PIEZO2: variants seen among roughly 807,000 people sequenced by gnomAD.
PIEZO2 encodes the protein piezo-type mechanosensitive ion channel component 2.
PIEZO2 carries 172 observed loss-of-function variants against 337.3 expected under a neutral mutation model. The observed-to-expected ratio is 0.51, with a 90% confidence interval of 0.45 to 0.58. The LOEUF (loss-of-function observed/expected upper bound fraction) is 0.58. Ranked by LOEUF, PIEZO2 falls within the 20% of genes least tolerant of loss-of-function variation. PIEZO2 has a pLI of 0.00. For synonymous variants in PIEZO2, 1,251 were observed against 1,228.5 expected, an observed-to-expected ratio of 1.02 and a Z score of -0.38; for missense variants, 3,028 against 3,391.3, an observed-to-expected ratio of 0.89 and a Z score of 2.66.
At chr18:10,806,261 AG>A (rs148293168) in intron 8 of PIEZO2, among the ~76,000 whole-genome samples, 1 of 152,248 alleles carries the variant, frequency 6.6e-6, no homozygotes, top group African/African-American at 2.4e-5. Flanking sequence ...GGTTCCCCGC[AG>A]GTGGGGCCTG....
intron 1 of PIEZO2, among the ~76,000 whole-genome samples, chr18:11,142,204 T>C (rs1008158293): frequency 1.3e-5 from 2 of 152,334 alleles, no homozygotes; most frequent in Middle Eastern, 6.8e-3. Flanking sequence ...CTGTTACATA[T>C]ATTTTCTTTT....
intron 2 of PIEZO2, among the ~76,000 whole-genome samples, chr18:11,043,470 C>T (rs566062774): frequency 2.2e-4 from 34 of 152,262 alleles, no homozygotes; most frequent in African/African-American, 7.2e-4. Flanking sequence ...AACTACAACA[C>T]AAACACATGT....
At position 10,787,057 on chromosome 18, in the gene PIEZO2, A is replaced by G; in HGVS notation, c.2297T>C (p.Met766Thr). ...TTACTTTTCTTTTTTCAGTCCAGTC[A>G]TATTTTGCCACAGGCCTGGGAAGTT... ...FENFPGLWQN[M>T]TGLKKEKLED... Residue 766 changes from methionine (M) to threonine (T), a missense_variant, in exon 16 of 56, where the codon ATG becomes ACG. Met to Thr is a moderately conservative substitution (Grantham distance 81, BLOSUM62 -1). This residue lies in a region of PIEZO2 where 1,925 missense variants were observed against 2,051.9 expected (regional missense o/e 0.94). Transcript: ENST00000674853. 3 of 1,532,800 alleles carry G rather than the reference A, an allele frequency of 2.0e-6. No individual in the cohort carries two copies. Among genetic ancestry groups the G allele is most frequent in the African/African-American group, 1.4e-5 (1 of 72,898 alleles). The allele number at this position is 1,532,800 out of a possible 1,614,324, so 94.9% of individuals were successfully genotyped here. A position where few individuals can be genotyped will look rare whatever the true frequency, so the allele number is the denominator to read the frequency against.
intron 11 of PIEZO2, among the ~76,000 whole-genome samples, chr18:10,798,084 A>AT (rs2039674833): frequency 6.6e-6 from 1 of 152,216 alleles, no homozygotes; most frequent in Non-Finnish European, 1.5e-5. Context: ...AGGCCAGCCA[A>AT]TAGCTACACA....
intron 7 of PIEZO2, among the ~76,000 whole-genome samples, chr18:10,808,121 C>T (rs1303364467): frequency 1.3e-5 from 2 of 152,174 alleles, no homozygotes; most frequent in Non-Finnish European, 2.9e-5. Flanking sequence ...TGGGGTCTCG[C>T]TCTGTCACCC....
At chr18:11,079,680 C>T (rs2038670338) in intron 1 of PIEZO2, among the ~76,000 whole-genome samples, 1 of 152,168 alleles carries the variant, frequency 6.6e-6, no homozygotes, top group South Asian at 2.1e-4. Flanking sequence ...TCTTTGCCAA[C>T]CTGGAATGCC....
intron 4 of PIEZO2, among the ~76,000 whole-genome samples, chr18:10,891,472 T>C (rs1040262145): frequency 6.6e-6 from 1 of 152,148 alleles, no homozygotes; most frequent in Non-Finnish European, 1.5e-5. Context: ...TACTTCAAAA[T>C]TCATCCTTTT....
In PIEZO2 at chr18:10,671,293, C is replaced by T. The variant is rs1567931026; in HGVS notation, c.*234G>A. On this transcript the variant is annotated 3_prime_UTR_variant, in exon 56 of 56. Transcript: ENST00000674853. ...GAATGCGAGACACTGTTGACTAAAA[C>T]ATAAAGCAAGTAGCCCTGATTTCAG... 1 of 407,306 alleles carries T rather than the reference C, an allele frequency of 2.5e-6. No individual in the cohort carries two copies. The highest frequency in any genetic ancestry group is 4.3e-5 in the Admixed American group (1 of 23,416). The allele number at this position is 407,306 out of a possible 1,614,324, so 25.2% of individuals were successfully genotyped here.
At chr18:10,805,820 G>A (rs1167984100) in intron 8 of PIEZO2, among the ~76,000 whole-genome samples, 1 of 152,248 alleles carries the variant, frequency 6.6e-6, no homozygotes, top group Non-Finnish European at 1.5e-5. Context: ...GTTAGCCACT[G>A]AGATGGGGGG....
chr18:10,959,135 C>T (rs958329317), intron 3 of PIEZO2, among the ~76,000 whole-genome samples: 1 of 152,118 alleles, frequency 6.6e-6, no homozygotes, highest in Non-Finnish European at 1.5e-5. Flanking sequence ...TAGTAAAATG[C>T]ATGCCACTAG....
At position 10,794,793 on chromosome 18, in the gene PIEZO2, C is replaced by T; in HGVS notation, c.1737G>A (p.Glu579=). Residue 579 remains glutamate (E), a synonymous_variant, in exon 13 of 56, where the codon GAG becomes GAA. Transcript: ENST00000674853. This position sits in a 1 kb window ranked among gnomAD's most constrained non-coding sequence, Gnocchi z 6.6. ...KKVPGFLEKK[E]PGELASKILF... ...TTACTTTGGAAGCAAGTTCTCCTGG[C>T]TCTTTCTTTTCTAAAAATCCTGGAA... 6.5e-7 allele frequency: 1 copy of T among 1,534,138 alleles called. No homozygotes were observed. The highest frequency in any genetic ancestry group is 8.7e-7 in the Non-Finnish European group (1 of 1,145,408).
rs759940686 is a variant in PIEZO2 at position 11,097,389 on chromosome 18, T to A, written c.65-31167A>T. On this transcript the variant is annotated intron_variant, in intron 1 of 55. Transcript: ENST00000674853. This position sits in a 1 kb window ranked among gnomAD's most constrained non-coding sequence, Gnocchi z 5.0. ...CACGACTGCAACAGAGCCGGCGTGC[T>A]GTGCAACGCCTGACTCATTAACTGC... Among the ~76,000 whole-genome samples, 1 of 152,234 alleles carries A rather than the reference T, an allele frequency of 6.6e-6. No individual in the cohort carries two copies. The highest frequency in any genetic ancestry group is 1.5e-5 in the Non-Finnish European group (1 of 68,048).
Position 10,980,058 on chromosome 18 carries a change from A to G in PIEZO2, c.161-398T>C, listed in dbSNP as rs912222454. On this transcript the variant is annotated intron_variant, in intron 2 of 55. Coordinates refer to ENST00000674853, the MANE Select transcript of PIEZO2 (RefSeq NM_001378183.1). This position sits in a 1 kb window ranked among gnomAD's most constrained non-coding sequence, Gnocchi z 4.8. ...GAAAAGTTATCTAAAACATTTTATG[A>G]AGTCACAATAACTTTAATTTCAAAA... is the stretch of plus-strand genomic sequence containing the variant. 2.6e-5 allele frequency among the ~76,000 whole-genome samples: 4 copies of G among 152,330 alleles called. No individual in the cohort carries two copies. The highest frequency in any genetic ancestry group is 1.9e-4 in the East Asian group (1 of 5,190).
At chr18:11,026,877 A>AG (rs766938308) in intron 2 of PIEZO2, among the ~76,000 whole-genome samples, 8 of 152,340 alleles carry the variant, frequency 5.3e-5, no homozygotes, top group Admixed American at 2.0e-4. Context: ...AGACAGGAAG[A>AG]GGGAAAAAAG....
intron 1 of PIEZO2, among the ~76,000 whole-genome samples, chr18:11,076,232 C>A (rs1314720978): frequency 1.3e-5 from 2 of 152,086 alleles, no homozygotes; most frequent in African/African-American, 4.8e-5. Flanking sequence ...CCTCACACTT[C>A]AAGAAAGAGA....
rs1598775351 is a variant in PIEZO2, at chr18:10,979,357, C to G, written c.286+178G>C. ...AAACTTAATCTCATGATCCAATCTT[C>G]CATGGCAAAGCTTCTTTATATATAT... On this transcript the variant is annotated intron_variant, in intron 3 of 55. Coordinates refer to ENST00000674853, the MANE Select transcript of PIEZO2 (RefSeq NM_001378183.1). This position sits in a 1 kb window ranked among gnomAD's most constrained non-coding sequence, Gnocchi z 4.0. 6.6e-6 allele frequency among the ~76,000 whole-genome samples: 1 copy of G among 152,100 alleles called. No homozygotes were observed. Among genetic ancestry groups the G allele is most frequent in the African/African-American group, 2.4e-5 (1 of 41,408 alleles).
chr18:11,108,962 A>G (rs1055671908), intron 1 of PIEZO2, among the ~76,000 whole-genome samples: 1 of 152,208 alleles, frequency 6.6e-6, no homozygotes, highest in Non-Finnish European at 1.5e-5. Context: ...TCAACAGAAC[A>G]AAGTTATCTT....
chr18:10,755,260 G>C (rs1270391968), intron 27 of PIEZO2, among the ~76,000 whole-genome samples: 1 of 151,948 alleles, frequency 6.6e-6, no homozygotes, highest in Non-Finnish European at 1.5e-5. Flanking sequence ...GGCTGGCTTG[G>C]GTACTATCAG....
intron 3 of PIEZO2, among the ~76,000 whole-genome samples, chr18:10,960,498 T>C (rs2053743198): frequency 6.6e-6 from 1 of 151,438 alleles, no homozygotes; most frequent in South Asian, 2.1e-4. Flanking sequence ...TCATAACACC[T>C]TAGGCAACAT....
Sources: gnomAD v4.1 joint callset for allele counts (sites outside exome capture counted in the v4.1 genomes callset) on GRCh38, gnomAD v4.1.1 for gene constraint, gnomAD v4.1.1 regional missense constraint, Gnocchi (gnomAD v3.1) non-coding constraint, MANE v1.5 for transcripts, NCBI Gene and HGNC (gene_info 2026-07-23, HGNC 2026-07-21) for gene names.